Variants in CYB5RL observed in about 807,000 individuals in gnomAD.
CYB5RL encodes the protein NADH-cytochrome b5 reductase-like.
A neutral mutation model predicts 37.5 loss-of-function variants in CYB5RL; 38 were observed. That is an observed-to-expected ratio of 1.01 (90% CI 0.78 to 1.33). The LOEUF (loss-of-function observed/expected upper bound fraction) is 1.33. Ranked by LOEUF, CYB5RL falls within the 40% of genes most tolerant of loss-of-function variation. CYB5RL has a pLI of 0.00. For missense variants in CYB5RL, 388 were observed against 394.4 expected (o/e 0.98, Z 0.14); for synonymous variants, 141 against 151.9 (o/e 0.93, Z 0.53).
At position 54,170,706 on chromosome 1, in the gene CYB5RL, C is replaced by T. The variant is rs117202813; in HGVS notation, c.*3913G>A. 1.8e-4 allele frequency: 35 copies of T among 195,538 alleles called. No individual in the cohort carries two copies. In the East Asian group the frequency reaches 2.6e-3, roughly 15 times the overall value. 12.1% of individuals were successfully genotyped at this position (195,538 alleles called of 1,614,324 possible). A position where few individuals can be genotyped will look rare whatever the true frequency, so the allele number is the denominator to read the frequency against. On this transcript the variant is annotated 3_prime_UTR_variant, in exon 8 of 8. Transcript: ENST00000534324. ...GATTACAGGTGTGAGCCACCGCGCCCGGCCCAGTAACAATCTTTATACACA... is the reference window on the plus strand; with the variant it reads ...GATTACAGGTGTGAGCCACCGCGCCTGGCCCAGTAACAATCTTTATACACA...
intron 5 of CYB5RL, among the ~76,000 whole-genome samples, chr1:54,187,135 C>T (rs1201558961): frequency 6.6e-6 from 1 of 152,132 alleles, no homozygotes. Context: ...TTTCCTATTC[C>T]TTGGGTCTCC....
intron 5 of CYB5RL, chr1:54,184,497 T>G (rs1660242377): frequency 2.1e-6 from 1 of 480,308 alleles, no homozygotes. Flanking sequence ...CCATAGGACC[T>G]AAAGCCTTCA....
At chr1:54,183,958 A>G in intron 6 of CYB5RL, 1 of 306,290 alleles carries the variant, frequency 3.3e-6, no homozygotes, top group Non-Finnish European at 5.8e-6. Flanking sequence ...CTGGGCAACA[A>G]GAGCGAAACT....
rs536363308 is a variant in CYB5RL, at chr1:54,173,264, T to A, written c.*1355A>T. The A allele has an allele frequency of 6.6e-6, 1 of 152,132 alleles. No individual in the cohort carries two copies. Among genetic ancestry groups the A allele is most frequent in the Non-Finnish European group, 1.5e-5 (1 of 68,014 alleles). The allele number at this position is 152,132 out of a possible 1,614,324, so 9.4% of individuals were successfully genotyped here. On this transcript the variant is annotated 3_prime_UTR_variant, in exon 8 of 8. Transcript: ENST00000534324. Reference sequence around the variant, plus strand: ...GGCTAGGAAAATCCTTTTGTACAAATAAAAATAATTCAAAACCCCAATATA... The same window carrying A: ...GGCTAGGAAAATCCTTTTGTACAAAAAAAAATAATTCAAAACCCCAATATA...
chr1:54,178,410 C>T (rs1660075314), intron 7 of CYB5RL, among the ~76,000 whole-genome samples: 1 of 152,126 alleles, frequency 6.6e-6, no homozygotes, highest in African/African-American at 2.4e-5. Flanking sequence ...AAGCTACCAA[C>T]CAGGGAAAGG....
chr1:54,191,027 G>C, intron 3 of CYB5RL, 131 bp from the exon 4 acceptor site: 1 of 1,218,308 alleles, frequency 8.2e-7, no homozygotes, highest in Non-Finnish European at 1.1e-6. Context: ...CTGGACACTA[G>C]CCTCACCTTA....
intron 4 of CYB5RL, among the ~76,000 whole-genome samples, chr1:54,188,970 G>T (rs989840467): frequency 6.6e-6 from 1 of 152,176 alleles, no homozygotes; most frequent in African/African-American, 2.4e-5. Context: ...GGATCACGAG[G>T]TCAAGAGATC....
At chr1:54,197,317 C>CTTTT (rs766084507) in intron 1 of CYB5RL, among the ~76,000 whole-genome samples, 18 of 124,076 alleles carry the variant, frequency 1.5e-4, no homozygotes, top group Admixed American at 3.5e-4. Context: ...CTTTTCTTTT[C>CTTTT]TTTTTTTTTT....
At chr1:54,190,553 ATTGTGTTATTATTTATT>A (rs1643940867) in intron 4 of CYB5RL, 178 bp downstream of exon 4, 2 of 682,536 alleles carry the variant, frequency 2.9e-6, no homozygotes, top group Non-Finnish European at 4.9e-6. Context: ...TATTAAAGTG[ATTGTGTTATTATTTATT>A]ATGAAAATGC....
chr1:54,187,682 G>C lies in CYB5RL; in HGVS notation c.405C>G (p.Asn135Lys). 6.2e-7 allele frequency: 1 copy of C among 1,613,966 alleles called. No individual in the cohort carries two copies. The highest frequency in any genetic ancestry group is 1.1e-5 in the South Asian group (1 of 91,082). Residue 135 changes from asparagine to lysine, a missense_variant, in exon 5 of 8, where the codon AAC (asparagine) becomes AAG (lysine). By Grantham distance (94) the Asn-to-Lys change is moderately conservative. Coordinates refer to ENST00000534324, the MANE Select transcript of CYB5RL (RefSeq NM_001031672.4). ...QRAYTPISPANAEGYFEVLIK... is the reference protein window; with the variant it reads ...QRAYTPISPAKAEGYFEVLIK... ...TTAACACTTCAAAGTATCCTTCTGC[G>C]TTGGCAGGGCTGATGGGCGTATAGG...
chr1:54,171,004 G>A lies in CYB5RL; in HGVS notation c.*3615C>T, dbSNP rs1180494040. ...CAGGAAGTGCTGAGCATCCTCCCCT[G>A]TTAGGGGTACAATGGGCCGGCCCTC... is the stretch of plus-strand genomic sequence containing the variant. On this transcript the variant is annotated 3_prime_UTR_variant, in exon 8 of 8. Coordinates refer to ENST00000534324, the MANE Select transcript of CYB5RL (RefSeq NM_001031672.4). 2.5e-6 allele frequency: 1 copy of A among 392,670 alleles called. No homozygotes were observed. The highest frequency in any genetic ancestry group is 7.3e-5 in the East Asian group (1 of 13,702). 24.3% of individuals were successfully genotyped at this position (392,670 alleles called of 1,614,324 possible).
rs1659877808 is a variant in CYB5RL at position 54,171,001 on chromosome 1, C to T, written c.*3618G>A. 1 of 387,498 alleles carries T rather than the reference C, an allele frequency of 2.6e-6. No individual in the cohort carries two copies. The highest frequency in any genetic ancestry group is 5.3e-6 in the Non-Finnish European group (1 of 189,836). The allele number at this position is 387,498 out of a possible 1,614,324, so 24.0% of individuals were successfully genotyped here. A position where few individuals can be genotyped will look rare whatever the true frequency, so the allele number is the denominator to read the frequency against. On this transcript the variant is annotated 3_prime_UTR_variant, in exon 8 of 8. Transcript: ENST00000534324. The stretch of plus-strand genomic sequence containing the variant: ...ATCCAGGAAGTGCTGAGCATCCTCC[C>T]CTGTTAGGGGTACAATGGGCCGGCC...
At chr1:54,191,032 A>C (rs1012481744) in intron 3 of CYB5RL, 136 bp from the exon 4 acceptor site, 1 of 1,187,110 alleles carries the variant, frequency 8.4e-7, no homozygotes, top group Non-Finnish European at 1.2e-6. Flanking sequence ...CACTAGCCTC[A>C]CCTTACTTCC....
Position 54,187,690 on chromosome 1 carries a change from GGCT to G in CYB5RL, c.394_396del (p.Ser132del). On this transcript the variant is annotated inframe_deletion, in exon 5 of 8. Transcript: ENST00000534324. The stretch of plus-strand genomic sequence containing the variant: ...TCAAAGTATCCTTCTGCGTTGGCAG[GGCT>G]GATGGGCGTATAGGCTCTCTGAATT... The G allele has an allele frequency of 6.2e-7, 1 of 1,613,954 alleles. No homozygotes were observed. The highest frequency in any genetic ancestry group is 1.1e-5 in the South Asian group (1 of 91,074).
chr1:54,184,147 G>A lies in CYB5RL; in HGVS notation c.540+14C>T, dbSNP rs572232623. On this transcript the variant is annotated intron_variant, in intron 6 of 7. Transcript: ENST00000534324. ...AACAGGGATCTCCTGAAGATTTAAG[G>A]TGCTGGCACTGACCTGGTTTGGTTT... 1 of 1,608,636 alleles carries A rather than the reference G, an allele frequency of 6.2e-7. No homozygotes were observed. Among genetic ancestry groups the A allele is most frequent in the South Asian group, 1.1e-5 (1 of 89,766 alleles).
In CYB5RL at chr1:54,190,842, T is replaced by C. The variant is rs541462144; in HGVS notation, c.253A>G (p.Met85Val). 48 of 1,607,812 alleles carry C rather than the reference T, an allele frequency of 3.0e-5. 2 individuals carry two copies. In the South Asian group the frequency reaches 4.8e-4, roughly 16 times the overall value. Residue 85 changes from methionine (M) to valine (V), a missense_variant, in exon 4 of 8, where the codon ATG becomes GTG. Coordinates refer to ENST00000534324, the MANE Select transcript of CYB5RL (RefSeq NM_001031672.4). ...TAGGTGTCCTTAGTGAGCCTGTCCA[T>C]GGCAATGATGCAGAAGGCCACGAAG... ...ETFVAFCIIAMDRLTKDTYRV... is the reference protein window; with the variant it reads ...ETFVAFCIIAVDRLTKDTYRV...
chr1:54,196,588 C>T (rs1644009708), intron 1 of CYB5RL, 97 bp from the exon 2 acceptor site: 1 of 152,216 alleles, frequency 6.6e-6, no homozygotes, highest in African/African-American at 2.4e-5. Context: ...AACTACTACT[C>T]AGTCAAGTAA....
chr1:54,189,850 A>G (rs1269035447), intron 4 of CYB5RL, among the ~76,000 whole-genome samples: 1 of 152,238 alleles, frequency 6.6e-6, no homozygotes, highest in Non-Finnish European at 1.5e-5. Context: ...GAGTCTGAGC[A>G]GCAGTGAGTG....
At chr1:54,193,669 T>C (rs1643977628) in intron 3 of CYB5RL, among the ~76,000 whole-genome samples, 1 of 152,048 alleles carries the variant, frequency 6.6e-6, no homozygotes. Flanking sequence ...ACCCCATCTC[T>C]ATCTTTATAA....
Sources: gnomAD v4.1 joint callset for allele counts (sites outside exome capture counted in the v4.1 genomes callset) on GRCh38, gnomAD v4.1.1 for gene constraint, MANE v1.5 for transcripts, NCBI Gene and HGNC (gene_info 2026-07-23, HGNC 2026-07-21) for gene names.